The following CCDC33 variants were observed in gnomAD, a reference collection of about 807,000 sequenced individuals.
CCDC33 encodes coiled-coil domain containing 33.
CCDC33 carries 94 observed loss-of-function variants against 91.9 expected under a neutral mutation model. The observed-to-expected ratio is 1.02, with a 90% CI of 0.87 to 1.21. CCDC33 has a LOEUF of 1.21. Ranked by LOEUF, CCDC33 falls within the 50% of genes most tolerant of loss-of-function variation. The pLI, the probability that CCDC33 is intolerant of heterozygous loss-of-function variation, is 0.00. For synonymous variants in CCDC33, 396 were observed against 374.5 expected (o/e 1.06, Z -0.66); for missense variants, 940 against 935.5 (o/e 1.00, Z -0.06).
chr15:74,203,916 T>C (rs189651841), intron 1 of CCDC33, among the ~76,000 whole-genome samples: 1 of 146,696 alleles, frequency 6.8e-6, no homozygotes, highest in East Asian at 2.0e-4. Flanking sequence ...GGGATGGGGG[T>C]GGGGGAAAGT....
upstream of CCDC33, chr15:74,203,007 C>T (rs1169480749): frequency 4.1e-6 from 4 of 986,154 alleles, no homozygotes; most frequent in South Asian, 1.4e-4. Context: ...ACATACCTGC[C>T]TTCAGCGCCT....
intron 1 of CCDC33, among the ~76,000 whole-genome samples, chr15:74,207,405 A>G (rs1270587370): frequency 6.6e-6 from 1 of 152,166 alleles, no homozygotes; most frequent in African/African-American, 2.4e-5. Flanking sequence ...GACCTTCAGT[A>G]ACACATCAGA....
At chr15:74,241,083 A>C (rs1037840648) in intron 1 of CCDC33, among the ~76,000 whole-genome samples, 2 of 152,150 alleles carry the variant, frequency 1.3e-5, no homozygotes, top group African/African-American at 4.8e-5. Flanking sequence ...ACCTCCAGGC[A>C]GGGGCATCTT....
At chr15:74,271,899 A>G (rs971003486) in intron 6 of CCDC33, 105 bp downstream of exon 6, 1 of 875,734 alleles carries the variant, frequency 1.1e-6, no homozygotes, top group Non-Finnish European at 1.8e-6. Flanking sequence ...ACCTCCGGCA[A>G]CCCCTCTACC....
At chr15:74,240,263 A>G (rs770553108) in intron 1 of CCDC33, among the ~76,000 whole-genome samples, 1 of 152,214 alleles carries the variant, frequency 6.6e-6, no homozygotes, top group Non-Finnish European at 1.5e-5. Flanking sequence ...GAGATAGAGG[A>G]GGAGCCGGTG....
rs755174125 is a variant in CCDC33, at chr15:74,332,846, G to T, written c.1938+1G>T. On this transcript the variant is annotated splice_donor_variant, in intron 16 of 18. Transcript: ENST00000398814. LOFTEE classifies it high-confidence loss of function. ...CATTCTGCAGCAACAGGCCCTGCCG[G>T]TAAGAGGCCCTTGACCTGGGCCTGC... The T allele has an allele frequency of 2.5e-6, 4 of 1,613,436 alleles. No individual in the cohort carries two copies. Among genetic ancestry groups the T allele is most frequent in the Non-Finnish European group, 3.4e-6 (4 of 1,179,688 alleles).
intron 11 of CCDC33, among the ~76,000 whole-genome samples, chr15:74,307,451 A>G (rs1284812583): frequency 6.6e-6 from 1 of 152,122 alleles, no homozygotes; most frequent in Non-Finnish European, 1.5e-5. Flanking sequence ...TGATAGCACA[A>G]TAACCCTCCC....
chr15:74,275,411 C>A (rs1334406640), intron 7 of CCDC33, among the ~76,000 whole-genome samples: 3 of 152,210 alleles, frequency 2.0e-5, no homozygotes, highest in Non-Finnish European at 4.4e-5. Flanking sequence ...CTGAGGCCAG[C>A]CTCACCACTG....
chr15:74,275,762 T>G (rs1273522779), intron 7 of CCDC33, among the ~76,000 whole-genome samples: 1 of 152,048 alleles, frequency 6.6e-6, no homozygotes, highest in Non-Finnish European at 1.5e-5. Context: ...CTCTGCCTCC[T>G]GGGTTCAAGC....
At chr15:74,209,322 A>C (rs1486814020) in intron 1 of CCDC33, 2 of 1,494,606 alleles carry the variant, frequency 1.3e-6, no homozygotes, top group Non-Finnish European at 9.0e-7. Flanking sequence ...GTTTCCCCAG[A>C]TGTGGCCTTA....
chr15:74,294,527 C>G (rs1398752195), intron 10 of CCDC33, among the ~76,000 whole-genome samples: 5 of 151,880 alleles, frequency 3.3e-5, no homozygotes, highest in Non-Finnish European at 5.9e-5. Context: ...GTGGGCAGAT[C>G]ACAAGGTCAA....
exon 2 of CCDC33, chr15:74,209,419 A>T (rs1158935080): frequency 1.3e-6 from 2 of 1,535,412 alleles, no homozygotes; most frequent in Non-Finnish European, 1.7e-6. Flanking sequence ...GCCAGAGGGG[A>T]ACCACCAGCT....
intron 11 of CCDC33, chr15:74,299,910 G>A (rs148958631): frequency 6.6e-6 from 1 of 152,152 alleles, no homozygotes; most frequent in Non-Finnish European, 1.5e-5. Flanking sequence ...GATTTACCAG[G>A]CTGGCTATTT....
chr15:74,287,918 C>T (rs1358227001), intron 10 of CCDC33, among the ~76,000 whole-genome samples: 1 of 152,210 alleles, frequency 6.6e-6, no homozygotes, highest in Non-Finnish European at 1.5e-5. Flanking sequence ...GGCCATCCCA[C>T]CTCTCCTCCT....
chr15:74,304,539 C>T (rs952910321), intron 11 of CCDC33: 3 of 152,242 alleles, frequency 2.0e-5, no homozygotes, highest in Non-Finnish European at 2.9e-5. Context: ...TTTACGGCTC[C>T]GTTTCAATTT....
At position 74,204,139 on chromosome 15, in the gene CCDC33, T is replaced by G. The variant is rs116531314; in HGVS notation, n.89+1041T>G. ...ACCATCCCACAGAGATATCAGCATC[T>G]GCTGACTCAGAGCTGAACCCGAGCT... is the stretch of plus-strand genomic sequence containing the variant. On this transcript the variant is annotated intron_variant and non_coding_transcript_variant, in intron 1 of 3. Transcript: ENST00000558645. Among the ~76,000 whole-genome samples, 1,177 of 152,322 alleles carry G rather than the reference T, an allele frequency of 7.7e-3. 13 individuals carry two copies. The highest frequency in any genetic ancestry group is 0.028 in the African/African-American group (1,148 of 41,574).
chr15:74,275,108 G>A (rs1277840872), intron 7 of CCDC33, among the ~76,000 whole-genome samples: 1 of 152,222 alleles, frequency 6.6e-6, no homozygotes, highest in African/African-American at 2.4e-5. Context: ...CACTTGAGGG[G>A]GTGGGATTGG....
intron 11 of CCDC33, among the ~76,000 whole-genome samples, chr15:74,304,976 C>T (rs569209110): frequency 3.8e-4 from 58 of 151,340 alleles, no homozygotes; most frequent in African/African-American, 1.2e-3. Flanking sequence ...CAGAGTCTTG[C>T]TCTGTCACCC....
intron 2 of CCDC33, among the ~76,000 whole-genome samples, chr15:74,245,811 T>C (rs1002875645): frequency 6.6e-6 from 1 of 152,122 alleles, no homozygotes; most frequent in African/African-American, 2.4e-5. Flanking sequence ...TGCACCCTTC[T>C]CCAGCTGGGA....
Sources: gnomAD v4.1 joint callset for allele counts (sites outside exome capture counted in the v4.1 genomes callset) on GRCh38, gnomAD v4.1.1 for gene constraint, MANE v1.5 for transcripts, NCBI Gene and HGNC (gene_info 2026-07-23, HGNC 2026-07-21) for gene names.